The following AOAH variants were observed in gnomAD, a reference collection of about 807,000 sequenced individuals.
AOAH encodes acyloxyacyl hydrolase.
Under a neutral mutation model 92.2 loss-of-function variants are expected in AOAH, and 64 were observed. The ratio of observed to expected loss-of-function variants is 0.69; its 90% CI spans 0.57 to 0.86. The LOEUF (loss-of-function observed/expected upper bound fraction) is 0.86, where lower values mean the gene tolerates loss of function less well. Ranked by LOEUF, AOAH falls within the 40% of genes least tolerant of loss-of-function variation. The probability of loss-of-function intolerance (pLI) is 0.00; values close to 1 mark genes in which losing one functional copy is unlikely to be tolerated. For missense variants in AOAH, 656 were observed against 694.6 expected, an observed-to-expected ratio of 0.94 and a Z score of 0.62; for synonymous variants, 263 against 254.5, an observed-to-expected ratio of 1.03 and a Z score of -0.32.
intron 4 of AOAH, among the ~76,000 whole-genome samples, chr7:36,656,344 G>C (rs2116496242): frequency 6.6e-6 from 1 of 152,298 alleles, no homozygotes; most frequent in East Asian, 1.9e-4. Context: ...ACTAGCCGGT[G>C]GCGATAGACT....
intron 1 of AOAH, among the ~76,000 whole-genome samples, chr7:36,713,877 A>C (rs1392828659): frequency 1.3e-5 from 2 of 152,226 alleles, no homozygotes; most frequent in Admixed American, 1.3e-4. Flanking sequence ...GAAAGCAGGA[A>C]AGATCTAAAA....
chr7:36,675,960 G>C (rs1796231089), intron 2 of AOAH, among the ~76,000 whole-genome samples: 1 of 152,148 alleles, frequency 6.6e-6, no homozygotes, highest in Non-Finnish European at 1.5e-5. Context: ...AGGAATAAAA[G>C]GGAATGTCCT....
intron 3 of AOAH, among the ~76,000 whole-genome samples, chr7:36,673,568 G>A (rs1796057847): frequency 6.6e-6 from 1 of 152,112 alleles, no homozygotes; most frequent in Non-Finnish European, 1.5e-5. Flanking sequence ...AAGAAAAACA[G>A]TAAAAGAAAA....
At position 36,522,831 on chromosome 7, in the gene AOAH, G is replaced by A. The variant is rs1279166985; in HGVS notation, c.1523-716C>T. 3.3e-5 allele frequency among the ~76,000 whole-genome samples: 5 copies of A among 152,236 alleles called. No homozygotes were observed. In the South Asian group the frequency reaches 6.2e-4, roughly 19 times the overall value. On this transcript the variant is annotated intron_variant, in intron 19 of 20. Transcript: ENST00000617537. ...AGCCAGCTGCTCCCGGCAAAGCTAC[G>A]CCCTCACTTGCCCAGCGTCCAGTGA...
chr7:36,673,268 G>A (rs1045703770), intron 3 of AOAH, among the ~76,000 whole-genome samples: 21 of 152,202 alleles, frequency 1.4e-4, no homozygotes, highest in Admixed American at 2.6e-4. Context: ...AGCTGGGCCT[G>A]GTGGCTCATA....
chr7:36,722,696 G>A (rs1393681642), intron 1 of AOAH, among the ~76,000 whole-genome samples: 2 of 144,648 alleles, frequency 1.4e-5, no homozygotes, highest in Admixed American at 1.3e-4. Context: ...AGCACTTTGG[G>A]AGCCAAGGGG....
intron 3 of AOAH, among the ~76,000 whole-genome samples, chr7:36,671,089 T>A (rs1795895937): frequency 6.6e-6 from 1 of 152,222 alleles, no homozygotes; most frequent in Non-Finnish European, 1.5e-5. Flanking sequence ...GGTTCCCTGA[T>A]CTAGGCTCCT....
intron 3 of AOAH, among the ~76,000 whole-genome samples, chr7:36,667,279 T>A (rs894229950): frequency 1.3e-5 from 2 of 152,212 alleles, no homozygotes; most frequent in Admixed American, 6.5e-5. Context: ...CCATCTCACC[T>A]GGGATGTGAA....
At chr7:36,675,376 G>A (rs1024179754) in intron 2 of AOAH, among the ~76,000 whole-genome samples, 8 of 152,156 alleles carry the variant, frequency 5.3e-5, no homozygotes, top group Non-Finnish European at 8.8e-5. Flanking sequence ...CAGGTGCATG[G>A]CAATAAATTA....
chr7:36,555,247 T>C (rs1352471657), intron 13 of AOAH, among the ~76,000 whole-genome samples: 1 of 152,044 alleles, frequency 6.6e-6, no homozygotes, highest in Non-Finnish European at 1.5e-5. Context: ...GATAATCATG[T>C]GGTTTTTGTC....
intron 4 of AOAH, among the ~76,000 whole-genome samples, chr7:36,658,032 G>A (rs887602480): frequency 2.0e-5 from 3 of 151,906 alleles, no homozygotes; most frequent in Non-Finnish European, 4.4e-5. Context: ...ATAGTCACAC[G>A]CTATTTGAAC....
intron 13 of AOAH, among the ~76,000 whole-genome samples, chr7:36,559,337 T>A (rs1419719234): frequency 6.6e-6 from 1 of 152,240 alleles, no homozygotes; most frequent in Non-Finnish European, 1.5e-5. Flanking sequence ...CTTTCCACAG[T>A]GGCTGAACTA....
intron 13 of AOAH, among the ~76,000 whole-genome samples, chr7:36,551,553 T>C (rs1232422918): frequency 1.3e-5 from 2 of 152,216 alleles, no homozygotes; most frequent in African/African-American, 4.8e-5. Flanking sequence ...ATAGCCACCC[T>C]CCTACTTTCT....
intron 16 of AOAH, among the ~76,000 whole-genome samples, chr7:36,537,141 C>T (rs536389047): frequency 6.6e-6 from 1 of 151,880 alleles, no homozygotes; most frequent in African/African-American, 2.4e-5. Flanking sequence ...ATTTATTTCC[C>T]ATGGCAACCA....
Position 36,637,852 on chromosome 7 carries a change from A to G in AOAH, c.449T>C (p.Leu150Pro). ...GCGTTCTACGTGCTTAGTGCTTACCAGAATCGGGGACTTCTTGACAATTTG... is the reference window on the plus strand; with the variant it reads ...GCGTTCTACGTGCTTAGTGCTTACCGGAATCGGGGACTTCTTGACAATTTG... ...ARQIVKKSPI[L>P]KYSRSGSDIC... Residue 150 changes from leucine to proline, a missense_variant and splice_region_variant, in exon 5 of 21, where the codon CTG becomes CCG. Transcript: ENST00000617537. 1.2e-6 allele frequency: 2 copies of G among 1,614,056 alleles called. No individual in the cohort carries two copies. Among genetic ancestry groups the G allele is most frequent in the Non-Finnish European group, 1.7e-6 (2 of 1,179,892 alleles).
chr7:36,656,669 G>A (rs756868113), intron 4 of AOAH, among the ~76,000 whole-genome samples: 34 of 151,966 alleles, frequency 2.2e-4, no homozygotes, highest in Admixed American at 3.3e-4. Context: ...TTTATGTACC[G>A]AAGGATGTAA....
In AOAH at chr7:36,513,047, C is replaced by T. The variant is rs936580609; in HGVS notation, c.*205G>A. The T allele has an allele frequency of 4.5e-6, 7 of 1,539,296 alleles. No homozygotes were observed. The highest frequency in any genetic ancestry group is 2.7e-5 in the African/African-American group (2 of 73,172). On this transcript the variant is annotated 3_prime_UTR_variant, in exon 21 of 21. Transcript: ENST00000617537. Reference sequence around the variant, plus strand: ...TTATGAAAGGTTATTTCAGGAACAGCGGAAGGGTTACTGATCCCGGGAGCA... The same window carrying T: ...TTATGAAAGGTTATTTCAGGAACAGTGGAAGGGTTACTGATCCCGGGAGCA...
chr7:36,534,307 C>T (rs1784876875), intron 16 of AOAH, among the ~76,000 whole-genome samples: 1 of 152,210 alleles, frequency 6.6e-6, no homozygotes, highest in African/African-American at 2.4e-5. Flanking sequence ...TCCTCAGTCC[C>T]TCTCCCTTTC....
intron 15 of AOAH, among the ~76,000 whole-genome samples, chr7:36,544,235 G>A (rs1785638745): frequency 1.3e-5 from 2 of 152,222 alleles, no homozygotes; most frequent in South Asian, 4.2e-4. Flanking sequence ...ATAAGCCACT[G>A]CGCCCGGCCC....
Sources: allele counts gnomAD v4.1 joint callset (sites outside exome capture counted in the v4.1 genomes callset), GRCh38; gene constraint gnomAD v4.1.1; transcripts MANE v1.5; gene names NCBI Gene and HGNC (gene_info 2026-07-23, HGNC 2026-07-21).